Variants in SH3PXD2B observed in about 807,000 individuals in gnomAD.
SH3PXD2B encodes the protein SH3 and PX domain-containing protein 2B.
Under a neutral mutation model 73.1 loss-of-function variants are expected in SH3PXD2B, and 37 were observed. The ratio of observed to expected loss-of-function variants is 0.51; its 90% confidence interval spans 0.39 to 0.67. The LOEUF (loss-of-function observed/expected upper bound fraction) is 0.67. Ranked by LOEUF, SH3PXD2B falls within the 30% of genes least tolerant of loss-of-function variation. The pLI, the probability that SH3PXD2B is intolerant of heterozygous loss-of-function variation, is 0.00. For synonymous variants in SH3PXD2B, 457 were observed against 480.5 expected (o/e 0.95, Z 0.64); for missense variants, 1,053 against 1,197.8 (o/e 0.88, Z 1.78).
intron 7 of SH3PXD2B, among the ~76,000 whole-genome samples, chr5:172,359,165 T>C (rs879181876): frequency 2.0e-5 from 3 of 151,908 alleles, no homozygotes; most frequent in Admixed American, 6.6e-5. Flanking sequence ...TTTGGATGGA[T>C]TGCTTGAGTT....
In SH3PXD2B at chr5:172,339,437, A is replaced by G. The variant is rs758134578; in HGVS notation, c.1668T>C (p.Pro556=). ...TEQLRGPTPK[P]PGVILPMMPA... is the part of the protein sequence containing the mutation. ...GCATCATCGGCAAAATCACGCCCGG[A>G]GGCTTGGGAGTGGGGCCCCGGAGCT... The change falls in exon 13 of 13, where the codon CCT becomes CCC. Residue 556 remains proline (P), a synonymous_variant. Coordinates refer to ENST00000311601, the MANE Select transcript of SH3PXD2B (RefSeq NM_001017995.3). The surrounding 1 kb of genome is among the most constrained non-coding windows in gnomAD (Gnocchi z 6.1). 3.1e-6 allele frequency: 5 copies of G among 1,613,932 alleles called. No individual in the cohort carries two copies. Among genetic ancestry groups the G allele is most frequent in the Non-Finnish European group, 4.2e-6 (5 of 1,179,984 alleles).
intron 12 of SH3PXD2B, among the ~76,000 whole-genome samples, chr5:172,326,637 G>T (rs1756451870): frequency 1.3e-5 from 2 of 152,102 alleles, no homozygotes; most frequent in African/African-American, 2.4e-5. Flanking sequence ...CTAGGCAGGG[G>T]TTGTCAAGCT....
chr5:172,439,680 G>A (rs202158269), intron 1 of SH3PXD2B, among the ~76,000 whole-genome samples: 1,109 of 93,860 alleles, frequency 0.012, 14 homozygotes, highest in African/African-American at 0.063. Context: ...GCGTGCGTGC[G>A]CGCACGCGCG....
intron 2 of SH3PXD2B, among the ~76,000 whole-genome samples, chr5:172,410,209 G>A (rs1758661363): frequency 6.6e-6 from 1 of 152,218 alleles, no homozygotes; most frequent in South Asian, 2.1e-4. Context: ...AGTGTTTTGA[G>A]GAACCTCTAC....
At chr5:172,347,789 A>C (rs1411777496) in intron 10 of SH3PXD2B, among the ~76,000 whole-genome samples, 1 of 152,174 alleles carries the variant, frequency 6.6e-6, no homozygotes, top group Non-Finnish European at 1.5e-5. Context: ...ACATCTGTGA[A>C]GCTCTTGGCA....
At chr5:172,341,613 A>T (rs1340026943) in intron 12 of SH3PXD2B, among the ~76,000 whole-genome samples, 1 of 152,164 alleles carries the variant, frequency 6.6e-6, no homozygotes, top group Non-Finnish European at 1.5e-5. Flanking sequence ...TGAGTCAAGT[A>T]AACCTCTTTT....
In SH3PXD2B at chr5:172,333,512, T is replaced by C. The variant is rs1309167080; in HGVS notation, c.*4857A>G. ...AGACACTGCATCTTCATGATGAAGC[T>C]TGAAACCAGTCAAGCACTTTTTTTA... On this transcript the variant is annotated 3_prime_UTR_variant, in exon 13 of 13. Coordinates refer to ENST00000311601, the MANE Select transcript of SH3PXD2B (RefSeq NM_001017995.3). 8.5e-7 allele frequency: 1 copy of C among 1,173,262 alleles called. No homozygotes were observed. The highest frequency in any genetic ancestry group is 1.7e-5 in the African/African-American group (1 of 60,098). The allele number at this position is 1,173,262 out of a possible 1,614,324, so 72.7% of individuals were successfully genotyped here. A position where few individuals can be genotyped will look rare whatever the true frequency, so the allele number is the denominator to read the frequency against.
chr5:172,346,095 CAGGA>C, intron 12 of SH3PXD2B, 37 bp downstream of exon 12: 2 of 1,613,402 alleles, frequency 1.2e-6, no homozygotes, highest in Non-Finnish European at 1.7e-6. Context: ...TGCCTGGAAT[CAGGA>C]ATCACAAGTA....
Position 172,334,588 on chromosome 5 carries a change from C to T in SH3PXD2B, c.*3781G>A. ...CACAGTCCAAAGAGAAAGGTACGGC[C>T]TCCAAGGGGGCAGCTTAAGCCAACA... On this transcript the variant is annotated 3_prime_UTR_variant, in exon 13 of 13. Transcript: ENST00000311601. 1 of 985,526 alleles carries T rather than the reference C, an allele frequency of 1.0e-6. No individual in the cohort carries two copies. The highest frequency in any genetic ancestry group is 1.2e-6 in the Non-Finnish European group (1 of 829,992). The allele number at this position is 985,526 out of a possible 1,614,324, so 61.0% of individuals were successfully genotyped here. A position where few individuals can be genotyped will look rare whatever the true frequency, so the allele number is the denominator to read the frequency against.
intron 10 of SH3PXD2B, among the ~76,000 whole-genome samples, chr5:172,348,307 C>T (rs573797019): frequency 6.6e-6 from 1 of 151,956 alleles, no homozygotes; most frequent in Non-Finnish European, 1.5e-5. Context: ...AGAAGGAATG[C>T]AACCTGGGAT....
In SH3PXD2B at chr5:172,353,659, T is replaced by A. The variant is rs1476655298; in HGVS notation, c.785+229A>T. 1.3e-5 allele frequency among the ~76,000 whole-genome samples: 2 copies of A among 152,182 alleles called. No homozygotes were observed. The highest frequency in any genetic ancestry group is 2.9e-5 in the Non-Finnish European group (2 of 68,028). Reference sequence around the variant, plus strand: ...TAATGGGGTTGCTGCTATCTGTGGTTCAGTGTGTTTGGAGAAAGTTTTGCT... The same window carrying A: ...TAATGGGGTTGCTGCTATCTGTGGTACAGTGTGTTTGGAGAAAGTTTTGCT... On this transcript the variant is annotated intron_variant, in intron 9 of 12. Coordinates refer to ENST00000311601, the MANE Select transcript of SH3PXD2B (RefSeq NM_001017995.3). The surrounding 1 kb of genome is among the most constrained non-coding windows in gnomAD (Gnocchi z 4.3).
At position 172,422,668 on chromosome 5, in the gene SH3PXD2B, A is replaced by C. The variant is rs1758999278; in HGVS notation, c.76-172T>G. On this transcript the variant is annotated intron_variant, in intron 1 of 12. Coordinates refer to ENST00000311601, the MANE Select transcript of SH3PXD2B (RefSeq NM_001017995.3). ...TGTAAGACTCATCTCCCTCCTCAAT[A>C]AAATGAGTGTAATAACCCCCAACAG... 1.3e-5 allele frequency among the ~76,000 whole-genome samples: 2 copies of C among 152,350 alleles called. 1 individual carries two copies. The highest frequency in any genetic ancestry group is 2.9e-5 in the Non-Finnish European group (2 of 68,034).
chr5:172,327,067 C>T (rs1337244113), intron 12 of SH3PXD2B, among the ~76,000 whole-genome samples: 1 of 151,996 alleles, frequency 6.6e-6, no homozygotes, highest in African/African-American at 2.4e-5. Context: ...ACCATGTTGG[C>T]CACGCTGGTC....
intron 4 of SH3PXD2B, among the ~76,000 whole-genome samples, chr5:172,384,521 TC>T (rs1257085436): frequency 6.6e-6 from 1 of 152,132 alleles, no homozygotes; most frequent in Non-Finnish European, 1.5e-5. Context: ...CAACTACCCT[TC>T]CACCCTCCCC....
chr5:172,395,656 T>A (rs188991425), intron 3 of SH3PXD2B, among the ~76,000 whole-genome samples: 1 of 152,180 alleles, frequency 6.6e-6, no homozygotes, highest in Non-Finnish European at 1.5e-5. Flanking sequence ...CTTGGGGAGA[T>A]AGTGGCGAAG....
Position 172,445,050 on chromosome 5 carries a change from TCTAC to T in SH3PXD2B, c.75+9224_75+9227del, listed in dbSNP as rs1759633769. ...TCCATTTCTTTGCCCTCCTGTTCTCTCTACCTGTAACTCCTTCACCCTTGCCCAC... is the reference window on the plus strand; with the variant it reads ...TCCATTTCTTTGCCCTCCTGTTCTCTCTGTAACTCCTTCACCCTTGCCCAC... On this transcript the variant is annotated intron_variant, in intron 1 of 12. Coordinates refer to ENST00000311601, the MANE Select transcript of SH3PXD2B (RefSeq NM_001017995.3). This position sits in a 1 kb window ranked among gnomAD's most constrained non-coding sequence, Gnocchi z 5.2. Among the ~76,000 whole-genome samples, 1 of 152,222 alleles carries T rather than the reference TCTAC, an allele frequency of 6.6e-6. No homozygotes were observed. Among genetic ancestry groups the T allele is most frequent in the African/African-American group, 2.4e-5 (1 of 41,466 alleles).
chr5:172,369,252 T>A (rs115297806), intron 6 of SH3PXD2B, among the ~76,000 whole-genome samples: 9,072 of 151,288 alleles, frequency 0.06, 431 homozygotes, highest in African/African-American at 0.13. Flanking sequence ...GTTTTTTTTT[T>A]AAATATTTTT....
intron 1 of SH3PXD2B, among the ~76,000 whole-genome samples, chr5:172,439,692 GCACACACACACACACACACACACA>G (rs367799974): frequency 1.4e-5 from 2 of 138,542 alleles, no homozygotes; most frequent in Non-Finnish European, 3.1e-5. Context: ...GCACGCGCGC[GCACACACACACACACACACACACA>G]CACACACACA....
chr5:172,350,677 C>T, intron 9 of SH3PXD2B, 88 bp from the exon 10 acceptor site: 1 of 1,370,312 alleles, frequency 7.3e-7, no homozygotes, highest in South Asian at 1.3e-5. Flanking sequence ...CATGACAGGT[C>T]CCAGGGAGCA....
Sources: allele counts gnomAD v4.1 joint callset (sites outside exome capture counted in the v4.1 genomes callset), GRCh38; gene constraint gnomAD v4.1.1; non-coding constraint Gnocchi (gnomAD v3.1); transcripts MANE v1.5; gene names NCBI Gene and HGNC (gene_info 2026-07-23, HGNC 2026-07-21).